CERS5: variants seen among roughly 807,000 people sequenced by gnomAD.
CERS5 encodes ceramide synthase 5.
A neutral mutation model predicts 58.9 loss-of-function variants in CERS5; 37 were observed. The ratio of observed to expected loss-of-function variants is 0.63; its 90% CI spans 0.48 to 0.83. The LOEUF is 0.83. Among genes scored for constraint, CERS5 ranks in the 40% least tolerant of loss-of-function variants. CERS5 has a pLI of 0.00. For missense variants in CERS5, 398 were observed against 489.3 expected (o/e 0.81, Z 1.76); for synonymous variants, 147 against 177.8 (o/e 0.83, Z 1.38).
chr12:50,156,099 C>CAAAA (rs34616031), intron 1 of CERS5, among the ~76,000 whole-genome samples: 2 of 48,976 alleles, frequency 4.1e-5, no homozygotes, highest in African/African-American at 9.8e-5. Context: ...CATTCTGTCT[C>CAAAA]AAAAAAAAAA....
At chr12:50,161,178 T>C (rs1939229282) in intron 1 of CERS5, among the ~76,000 whole-genome samples, 1 of 152,198 alleles carries the variant, frequency 6.6e-6, no homozygotes, top group East Asian at 1.9e-4. Context: ...GCCTCTGTGC[T>C]TTGGTGGGTA....
chr12:50,164,925 T>C (rs1258890979), intron 1 of CERS5: 2 of 152,128 alleles, frequency 1.3e-5, no homozygotes, highest in African/African-American at 2.4e-5. Flanking sequence ...TGTTTTTCTA[T>C]GAAAATCACC....
In CERS5 at chr12:50,153,029, C is replaced by T. The variant is rs543421471; in HGVS notation, c.198-8972G>A. ...AGGTTGTAGTGAGCTGAGATCCTGC[C>T]ACTGCACTCCAGCCTGGGCGACAGA... On this transcript the variant is annotated intron_variant, in intron 1 of 9. Transcript: ENST00000317551. Among the ~76,000 whole-genome samples the T allele has an allele frequency of 2.6e-5, 4 of 152,076 alleles. No individual in the cohort carries two copies. The East Asian group carries it at 5.8e-4, about 22-fold the overall frequency.
intron 6 of CERS5, among the ~76,000 whole-genome samples, chr12:50,136,456 G>T (rs542307779): frequency 1.4e-5 from 2 of 142,842 alleles, no homozygotes; most frequent in South Asian, 4.6e-4. Context: ...CTGGGCGACA[G>T]ACTGAGATTC....
rs543558832 is a variant in CERS5 at position 50,166,339 on chromosome 12, A to G, written c.197+762T>C. Reference sequence around the variant, plus strand: ...ACTCTGTCTCAAAAAAAAAAAAAAAAAAAAGAAAAGAAAAAAGAATCTGGC... The same window carrying G: ...ACTCTGTCTCAAAAAAAAAAAAAAAGAAAAGAAAAGAAAAAAGAATCTGGC... On this transcript the variant is annotated intron_variant, in intron 1 of 9. Transcript: ENST00000317551. 8.3e-3 allele frequency: 1,315 copies of G among 158,122 alleles called. 17 individuals are homozygous for G. Among genetic ancestry groups the G allele is most frequent in the African/African-American group, 0.027 (1,092 of 40,318 alleles). The allele number at this position is 158,122 out of a possible 1,614,324, so 9.8% of individuals were successfully genotyped here. A position where few individuals can be genotyped will look rare whatever the true frequency, so the allele number is the denominator to read the frequency against.
chr12:50,148,434 A>T, intron 1 of CERS5: 1 of 216,648 alleles, frequency 4.6e-6, no homozygotes, highest in Non-Finnish European at 9.9e-6. Flanking sequence ...CATCTCTACC[A>T]AAAAATACAA....
intron 1 of CERS5, among the ~76,000 whole-genome samples, chr12:50,161,809 C>A (rs1241029776): frequency 9.8e-6 from 1 of 101,634 alleles, no homozygotes; most frequent in Non-Finnish European, 1.9e-5. Context: ...AAGCAAAGTT[C>A]AAGTTAAAAG....
At chr12:50,163,960 A>ATTT (rs34267480) in intron 1 of CERS5, among the ~76,000 whole-genome samples, 2 of 134,962 alleles carry the variant, frequency 1.5e-5, no homozygotes, top group Admixed American at 7.5e-5. Context: ...AGCCTCTACA[A>ATTT]TTTTTTTTTT....
intron 4 of CERS5, 88 bp downstream of exon 4, chr12:50,141,959 GAAAAGA>G: frequency 2.0e-6 from 1 of 490,444 alleles, no homozygotes; most frequent in South Asian, 2.9e-5. Flanking sequence ...AAAAAAAAAA[GAAAAGA>G]AAAAAATCTA....
chr12:50,135,578 C>T (rs770993086), intron 8 of CERS5, 154 bp downstream of exon 8: 2 of 741,494 alleles, frequency 2.7e-6, no homozygotes, highest in Non-Finnish European at 4.9e-6. Context: ...AAGGTCAGCA[C>T]AGGCTAAGGT....
In CERS5 at chr12:50,167,330, A is replaced by T; in HGVS notation, c.-33T>A. 6.8e-7 allele frequency: 1 copy of T among 1,467,388 alleles called. No individual in the cohort carries two copies. Among genetic ancestry groups the T allele is most frequent in the Non-Finnish European group, 8.9e-7 (1 of 1,118,036 alleles). The allele number at this position is 1,467,388 out of a possible 1,614,324, so 90.9% of individuals were successfully genotyped here. A position where few individuals can be genotyped will look rare whatever the true frequency, so the allele number is the denominator to read the frequency against. On this transcript the variant is annotated 5_prime_UTR_variant, in exon 1 of 10. It adds an upstream start codon to the 5' untranslated region. Coordinates refer to ENST00000317551, the MANE Select transcript of CERS5 (RefSeq NM_147190.5). ...CCACCCCGAAGCCACCGCCGCCACA[A>T]GCGTCAGCTGCCGCCACAGCCAACG...
At chr12:50,153,983 A>G (rs1175721267) in intron 1 of CERS5, 2 of 283,300 alleles carry the variant, frequency 7.1e-6, no homozygotes, top group African/African-American at 4.6e-5. Context: ...CACAATGAAC[A>G]TAGAACAATG....
intron 1 of CERS5, among the ~76,000 whole-genome samples, chr12:50,157,374 A>T (rs548652667): frequency 5.9e-4 from 87 of 147,914 alleles, no homozygotes; most frequent in African/African-American, 1.9e-3. Context: ...AAGGAAAATT[A>T]GAAAAAAAAA....
At chr12:50,152,601 TA>T (rs1389502067) in intron 1 of CERS5, among the ~76,000 whole-genome samples, 1 of 151,544 alleles carries the variant, frequency 6.6e-6, no homozygotes, top group East Asian at 1.9e-4. Flanking sequence ...AAAATGGATG[TA>T]CCCAAAAAGC....
intron 1 of CERS5, among the ~76,000 whole-genome samples, chr12:50,159,987 A>G (rs1939088085): frequency 6.6e-6 from 1 of 152,176 alleles, no homozygotes; most frequent in Non-Finnish European, 1.5e-5. Context: ...TTGATATGTC[A>G]AAAGTACTGT....
At chr12:50,144,775 G>A (rs1952165780) in intron 1 of CERS5, 2 of 1,520,944 alleles carry the variant, frequency 1.3e-6, no homozygotes, top group Admixed American at 4.0e-5. Flanking sequence ...TTACCTCTTG[G>A]GTCTTGGTTT....
chr12:50,142,981 C>T, intron 3 of CERS5, 93 bp downstream of exon 3: 2 of 1,330,782 alleles, frequency 1.5e-6, no homozygotes, highest in Non-Finnish European at 2.1e-6. Context: ...TAACTGTTGT[C>T]CTAACAACAG....
intron 6 of CERS5, 92 bp downstream of exon 6, chr12:50,137,636 C>G (rs565323292): frequency 3.0e-5 from 21 of 707,204 alleles, no homozygotes; most frequent in Non-Finnish European, 4.2e-5. Context: ...TTTGCAGTCT[C>G]AGGGAAGATA....
intron 9 of CERS5, chr12:50,133,189 A>G: frequency 8.4e-7 from 1 of 1,194,108 alleles, no homozygotes; most frequent in Non-Finnish European, 1.1e-6. Context: ...GAGATCATCA[A>G]TATCTAGGCC....
Sources: gnomAD v4.1 joint callset for allele counts (sites outside exome capture counted in the v4.1 genomes callset) on GRCh38, gnomAD v4.1.1 for gene constraint, MANE v1.5 for transcripts, NCBI Gene and HGNC (gene_info 2026-07-23, HGNC 2026-07-21) for gene names.